The following NFIC variants were observed in gnomAD, a reference collection of about 807,000 sequenced individuals.
The protein encoded by NFIC is nuclear factor I C.
NFIC carries 12 observed loss-of-function variants against 54.4 expected under a neutral mutation model. The observed-to-expected ratio is 0.22, with a 90% confidence interval of 0.14 to 0.36. NFIC has a LOEUF of 0.36. Ranked by LOEUF, NFIC falls within the 10% of genes least tolerant of loss-of-function variation. The pLI is 1.00. For synonymous variants in NFIC, 322 were observed against 319.2 expected, an observed-to-expected ratio of 1.01 and a Z score of -0.09; for missense variants, 575 against 718.2, an observed-to-expected ratio of 0.80 and a Z score of 2.28.
intron 2 of NFIC, among the ~76,000 whole-genome samples, chr19:3,403,342 G>T (rs536095387): frequency 1.3e-5 from 2 of 152,314 alleles, no homozygotes; most frequent in South Asian, 4.1e-4. Flanking sequence ...CCAACTGCGT[G>T]GCCGTGAGAT....
intron 3 of NFIC, among the ~76,000 whole-genome samples, chr19:3,430,908 G>A (rs2082109181): frequency 6.9e-6 from 1 of 144,582 alleles, no homozygotes; most frequent in Non-Finnish European, 1.5e-5. Flanking sequence ...CTCCAGCCTG[G>A]GCGACAGAGT....
In NFIC at chr19:3,429,231, C is replaced by CAAAAA. The variant is rs367681612; in HGVS notation, c.634+4067_634+4071dup. On this transcript the variant is annotated intron_variant, in intron 3 of 10. Transcript: ENST00000443272. ...ATATAGCAAGACCCTATCTCTACCC[C>CAAAAA]AAAAAAAAAAAAAAAAATATATACA... Among the ~76,000 whole-genome samples the CAAAAA allele has an allele frequency of 3.0e-4, 11 of 36,728 alleles. 1 individual carries two copies. The highest frequency in any genetic ancestry group is 8.9e-4 in the Admixed American group (2 of 2,252). 24.1% of individuals were successfully genotyped at this position (36,728 alleles called of 152,430 possible). A position where few individuals can be genotyped will look rare whatever the true frequency, so the allele number is the denominator to read the frequency against.
chr19:3,441,821 C>G (rs1202458600), intron 6 of NFIC, among the ~76,000 whole-genome samples: 1 of 152,228 alleles, frequency 6.6e-6, no homozygotes, highest in Non-Finnish European at 1.5e-5. Context: ...GGCAGGGTCT[C>G]TCCCGAAGGT....
At chr19:3,420,568 T>TAAATAAAC (rs1231981458) in intron 2 of NFIC, among the ~76,000 whole-genome samples, 2 of 150,804 alleles carry the variant, frequency 1.3e-5, no homozygotes, top group Non-Finnish European at 3.0e-5. Flanking sequence ...AATAAATAAA[T>TAAATAAAC]AAATAAATAA....
At chr19:3,367,756 A>G (rs1599550460) in intron 1 of NFIC, among the ~76,000 whole-genome samples, 1 of 152,112 alleles carries the variant, frequency 6.6e-6, no homozygotes, top group East Asian at 1.9e-4. Context: ...TGGAGAGGGG[A>G]CAGTATGGCG....
In NFIC at chr19:3,366,612, C is replaced by A. The variant is rs200806100; in HGVS notation, c.-25C>A. On this transcript the variant is annotated 5_prime_UTR_variant, in exon 1 of 11. Transcript: ENST00000443272. ...AGTTCAGCGCGCCCGCTCCGGCCGG[C>A]CCTGCGCCTCCCGCCGCGCCCGGGA... 1 of 1,486,088 alleles carries A rather than the reference C, an allele frequency of 6.7e-7. No individual in the cohort carries two copies. Among genetic ancestry groups the A allele is most frequent in the Non-Finnish European group, 9.0e-7 (1 of 1,117,054 alleles). 92.1% of individuals were successfully genotyped at this position (1,486,088 alleles called of 1,614,324 possible).
rs1250571474 is a variant in NFIC, at chr19:3,379,063, G to GTTTTTTTT, written c.31-2643_31-2642insTTTTTTTT. Among the ~76,000 whole-genome samples, 46 of 150,920 alleles carry GTTTTTTTT rather than the reference G, an allele frequency of 3.0e-4. No individual in the cohort carries two copies. The East Asian group carries it at 7.6e-3, about 25-fold the overall frequency. On this transcript the variant is annotated intron_variant, in intron 1 of 10. Coordinates refer to ENST00000443272, the MANE Select transcript of NFIC (RefSeq NM_001245002.2). Reference sequence around the variant, plus strand: ...TTTCGTAGTCATTTTTTGTTTTTTTGTTTTTTGTTTTCCCAAGATGGAGTC... The same window carrying GTTTTTTTT: ...TTTCGTAGTCATTTTTTGTTTTTTTGTTTTTTTTTTTTTTGTTTTCCCAAGATGGAGTC...
intron 3 of NFIC, among the ~76,000 whole-genome samples, chr19:3,432,735 C>T (rs555996159): frequency 5.3e-4 from 78 of 147,616 alleles, no homozygotes; most frequent in African/African-American, 1.7e-3. Flanking sequence ...AGTGCAGTGG[C>T]GCAATCTCGG....
intron 2 of NFIC, among the ~76,000 whole-genome samples, chr19:3,403,604 G>A (rs1452600190): frequency 6.6e-6 from 1 of 152,206 alleles, no homozygotes; most frequent in Non-Finnish European, 1.5e-5. Flanking sequence ...AGAGGGGCAG[G>A]GCTTGCCTGA....
intron 10 of NFIC, among the ~76,000 whole-genome samples, chr19:3,457,678 C>T (rs912722653): frequency 1.3e-5 from 2 of 152,114 alleles, no homozygotes; most frequent in Admixed American, 1.3e-4. Context: ...GTATGGGGTC[C>T]CCAGGGGCCG....
At chr19:3,409,400 C>G (rs4807463) in intron 2 of NFIC, among the ~76,000 whole-genome samples, 123,945 of 152,146 alleles carry the variant, frequency 0.81, 50,890 homozygotes, top group East Asian at 0.97. Context: ...TTCTGCCTTC[C>G]GCCAGTTTCA....
chr19:3,454,657 C>A (rs558190116), intron 9 of NFIC, among the ~76,000 whole-genome samples: 206 of 151,970 alleles, frequency 1.4e-3, no homozygotes, highest in African/African-American at 4.7e-3. Flanking sequence ...GGTCACCCAC[C>A]CTCACAGGGC....
At chr19:3,435,717 C>T (rs2082190366) in intron 6 of NFIC, among the ~76,000 whole-genome samples, 1 of 152,110 alleles carries the variant, frequency 6.6e-6, no homozygotes, top group East Asian at 1.9e-4. Context: ...AGACTCGTCT[C>T]CTTTCTGTAG....
chr19:3,462,702 TTC>T, intron 10 of NFIC, 48 bp from the exon 11 acceptor site: 11 of 1,602,838 alleles, frequency 6.9e-6, no homozygotes, highest in Non-Finnish European at 9.4e-6. Context: ...ACCCCTCGAC[TTC>T]TCTCCCTTTT....
At chr19:3,441,520 C>T (rs1454136141) in intron 6 of NFIC, among the ~76,000 whole-genome samples, 1 of 152,262 alleles carries the variant, frequency 6.6e-6, no homozygotes, top group Non-Finnish European at 1.5e-5. Context: ...TGGCCTGCAT[C>T]GGTAAACATT....
chr19:3,360,508 C>G (rs1324885759), intron 1 of NFIC, among the ~76,000 whole-genome samples: 1 of 151,986 alleles, frequency 6.6e-6, no homozygotes, highest in African/African-American at 2.4e-5. Context: ...GGAGCCCCTG[C>G]GCTCCGTAAC....
intron 2 of NFIC, among the ~76,000 whole-genome samples, chr19:3,384,242 T>A (rs1011198140): frequency 4.0e-4 from 61 of 150,748 alleles, no homozygotes; most frequent in African/African-American, 4.4e-4. Context: ...ATATATATAT[T>A]TTTTTGTAGA....
rs542384546 is a variant in NFIC at position 3,456,485 on chromosome 19, G to A, written c.1424-65G>A. ...CCTGGCGGTGGCCACCCTCTCTGGG[G>A]CCAGGGCCGCCCCGGCTCCCACAAC... On this transcript the variant is annotated intron_variant, in intron 9 of 10. Coordinates refer to ENST00000443272, the MANE Select transcript of NFIC (RefSeq NM_001245002.2). The A allele has an allele frequency of 9.0e-5, 135 of 1,506,746 alleles. 1 individual carries two copies. Among genetic ancestry groups the A allele is most frequent in the Non-Finnish European group, 1.2e-4 (130 of 1,111,280 alleles). 93.3% of individuals were successfully genotyped at this position (1,506,746 alleles called of 1,614,324 possible).
At chr19:3,428,916 G>C (rs1325054561) in intron 3 of NFIC, among the ~76,000 whole-genome samples, 1 of 151,988 alleles carries the variant, frequency 6.6e-6, no homozygotes, top group Non-Finnish European at 1.5e-5. Context: ...CCACCGCTCT[G>C]TCCTCTTCAG....
Sources: gnomAD v4.1 joint callset for allele counts (sites outside exome capture counted in the v4.1 genomes callset) on GRCh38, gnomAD v4.1.1 for gene constraint, MANE v1.5 for transcripts, NCBI Gene and HGNC (gene_info 2026-07-23, HGNC 2026-07-21) for gene names.